Variants in PLCXD3 observed in about 807,000 individuals in gnomAD.
The protein encoded by PLCXD3 is phosphatidylinositol specific phospholipase C X domain containing 3, also known as PI-PLC X domain-containing protein 3.
Under a neutral mutation model 25.5 loss-of-function variants are expected in PLCXD3, and 19 were observed. The ratio of observed to expected loss-of-function variants is 0.75; its 90% confidence interval spans 0.52 to 1.09. The LOEUF is 1.09. Among genes scored for constraint, PLCXD3 ranks in the 50% least tolerant of loss-of-function variants. The probability of loss-of-function intolerance (pLI) is 0.00; values close to 1 mark genes in which losing one functional copy is unlikely to be tolerated. For missense variants in PLCXD3, 411 were observed against 388.1 expected (o/e 1.06, Z -0.50); for synonymous variants, 174 against 137.6 (o/e 1.26, Z -1.85).
intron 1 of PLCXD3, among the ~76,000 whole-genome samples, chr5:41,404,014 G>T (rs899521381): frequency 6.6e-5 from 10 of 152,136 alleles, no homozygotes; most frequent in Non-Finnish European, 1.5e-4. Context: ...GAAAAGTGGT[G>T]CATAGAGTCA....
chr5:41,367,485 G>A (rs1374505592), intron 2 of PLCXD3, among the ~76,000 whole-genome samples: 1 of 151,922 alleles, frequency 6.6e-6, no homozygotes, highest in Non-Finnish European at 1.5e-5. Context: ...GCTTTTTAAT[G>A]GGGTTGTTTT....
intron 1 of PLCXD3, among the ~76,000 whole-genome samples, chr5:41,425,249 C>T (rs529593962): frequency 6.6e-6 from 1 of 151,624 alleles, no homozygotes; most frequent in African/African-American, 2.4e-5. Context: ...TTTGTGTTTT[C>T]ATGACTCCAG....
chr5:41,452,782 TTTAAAA>T (rs1747664717), intron 1 of PLCXD3, among the ~76,000 whole-genome samples: 1 of 152,040 alleles, frequency 6.6e-6, no homozygotes, highest in Admixed American at 6.6e-5. Flanking sequence ...AGCATTTCCA[TTTAAAA>T]GAACACACTT....
In PLCXD3 at chr5:41,400,438, T is replaced by C. The variant is rs145299162; in HGVS notation, c.104-17904A>G. 3.7e-4 allele frequency among the ~76,000 whole-genome samples: 56 copies of C among 152,226 alleles called. No homozygotes were observed. The East Asian group carries it at 7.1e-3, about 19-fold the overall frequency. Reference sequence around the variant, plus strand: ...ATACCTAAGATTTGGAAGCAACCTATGTGTCCATCAACAGATGAATGGATA... The same window carrying C: ...ATACCTAAGATTTGGAAGCAACCTACGTGTCCATCAACAGATGAATGGATA... On this transcript the variant is annotated intron_variant, in intron 1 of 2. Transcript: ENST00000377801.
chr5:41,382,102 A>G lies in PLCXD3; in HGVS notation c.536T>C (p.Val179Ala), dbSNP rs372393366. Residue 179 changes from valine (V) to alanine (A), a missense_variant, in exon 2 of 3, where the codon GTT becomes GCT. By Grantham distance (64) the Val-to-Ala change is moderately conservative (BLOSUM62 0). Coordinates refer to ENST00000377801, the MANE Select transcript of PLCXD3 (RefSeq NM_001005473.3). ...CTTCTCCCACAGGTACTTTAAACTA[A>G]CTTCCTGGGCAAAAATCGCTGGGCA... ...KMCPAIFAQE[V>A]SLKYLWEKDY... The G allele has an allele frequency of 6.2e-7, 1 of 1,613,646 alleles. No individual in the cohort carries two copies. Among genetic ancestry groups the G allele is most frequent in the Non-Finnish European group, 8.5e-7 (1 of 1,179,728 alleles).
At position 41,358,294 on chromosome 5, in the gene PLCXD3, C is replaced by T. The variant is rs115561837; in HGVS notation, c.812+23532G>A. Among the ~76,000 whole-genome samples the T allele has an allele frequency of 6.2e-3, 937 of 152,192 alleles. 10 individuals carry two copies. The highest frequency in any genetic ancestry group is 0.021 in the African/African-American group (885 of 41,514). ...TGTCCAGAGTGAATGCTTTGGGCTA[C>T]TTATTTTTTTTATTTCTTTTATATT... On this transcript the variant is annotated intron_variant, in intron 2 of 2. Coordinates refer to ENST00000377801, the MANE Select transcript of PLCXD3 (RefSeq NM_001005473.3).
intron 1 of PLCXD3, among the ~76,000 whole-genome samples, chr5:41,507,649 G>T (rs1749076093): frequency 1.3e-5 from 2 of 152,126 alleles, no homozygotes; most frequent in Non-Finnish European, 2.9e-5. Context: ...GCCCCAGTTG[G>T]GTAGCCTTAT....
intron 1 of PLCXD3, among the ~76,000 whole-genome samples, chr5:41,431,830 T>G (rs1481718237): frequency 6.6e-6 from 1 of 152,130 alleles, no homozygotes; most frequent in Non-Finnish European, 1.5e-5. Flanking sequence ...TCACACTTTA[T>G]TTTTAGAAAT....
Position 41,381,957 on chromosome 5 carries a change from C to T in PLCXD3, c.681G>A (p.Gln227=). 6.2e-7 allele frequency: 1 copy of T among 1,613,490 alleles called. No individual in the cohort carries two copies. Among genetic ancestry groups the T allele is most frequent in the Admixed American group, 1.7e-5 (1 of 59,904 alleles). ...TCTCAGTGATGGATGCTTGAAGAAA[C>T]TGGATCAGTTTCTCGGGGTCTGTGG... ...ANTTDPEKLI[Q]FLQASITERR... The change falls in exon 2 of 3, where the codon CAG becomes CAA. Residue 227 remains glutamine (Q), a synonymous_variant. Coordinates refer to ENST00000377801, the MANE Select transcript of PLCXD3 (RefSeq NM_001005473.3).
intron 2 of PLCXD3, among the ~76,000 whole-genome samples, chr5:41,350,707 T>C (rs1015981146): frequency 2.6e-5 from 4 of 152,074 alleles, no homozygotes; most frequent in Non-Finnish European, 4.4e-5. Flanking sequence ...ACCTAGAAAA[T>C]AGAGTATGGC....
rs115956263 is a variant in PLCXD3, at chr5:41,404,168, C to T, written c.104-21634G>A. ...TTTTGGAAAAATAGGCTCAAATTTA[C>T]AGTCAGTCAGTAACTCACTGTTTAA... is the stretch of plus-strand genomic sequence containing the variant. On this transcript the variant is annotated intron_variant, in intron 1 of 2. Coordinates refer to ENST00000377801, the MANE Select transcript of PLCXD3 (RefSeq NM_001005473.3). Among the ~76,000 whole-genome samples the T allele has an allele frequency of 3.9e-3, 597 of 152,162 alleles. 5 individuals are homozygous for T. Among genetic ancestry groups the T allele is most frequent in the African/African-American group, 0.014 (577 of 41,496 alleles).
intron 1 of PLCXD3, among the ~76,000 whole-genome samples, chr5:41,468,867 A>G (rs2150519323): frequency 6.6e-6 from 1 of 152,178 alleles, no homozygotes; most frequent in South Asian, 2.1e-4. Flanking sequence ...TATGACTTTT[A>G]TTTCTTTCTT....
chr5:41,364,618 G>A (rs1436861267), intron 2 of PLCXD3, among the ~76,000 whole-genome samples: 1 of 152,100 alleles, frequency 6.6e-6, no homozygotes, highest in Non-Finnish European at 1.5e-5. Context: ...AGAGACAGCT[G>A]GGGCAAGAAC....
chr5:41,490,508 T>C (rs935251495), intron 1 of PLCXD3, among the ~76,000 whole-genome samples: 13 of 152,340 alleles, frequency 8.5e-5, no homozygotes, highest in African/African-American at 2.4e-4. Context: ...TCAGAAGGAA[T>C]GGTACCAGTT....
intron 1 of PLCXD3, among the ~76,000 whole-genome samples, chr5:41,501,226 A>G (rs1554053888): frequency 6.6e-6 from 1 of 152,044 alleles, no homozygotes; most frequent in Non-Finnish European, 1.5e-5. Flanking sequence ...AAGAAATGAA[A>G]TTGAGATCTT....
chr5:41,470,156 C>T (rs1321453565), intron 1 of PLCXD3, among the ~76,000 whole-genome samples: 9 of 152,126 alleles, frequency 5.9e-5, no homozygotes, highest in Non-Finnish European at 2.9e-5. Flanking sequence ...ATCTCTATCT[C>T]CTTCCCAAAC....
chr5:41,440,385 T>A (rs318064), intron 1 of PLCXD3, among the ~76,000 whole-genome samples: 132,889 of 151,238 alleles, frequency 0.88, 58,748 homozygotes, highest in Middle Eastern at 0.94. Flanking sequence ...GGTGCCTGCC[T>A]CCATGCCTGG....
chr5:41,510,281 C>T, intron 1 of PLCXD3, 143 bp downstream of exon 1: 1 of 712,168 alleles, frequency 1.4e-6, no homozygotes, highest in East Asian at 3.0e-5. Context: ...CCGGCACGCG[C>T]TCGCCTGGCC....
chr5:41,395,864 T>C (rs1226888419), intron 1 of PLCXD3, among the ~76,000 whole-genome samples: 2 of 151,982 alleles, frequency 1.3e-5, no homozygotes, highest in Non-Finnish European at 2.9e-5. Context: ...ACTGCTGAAT[T>C]CTACCAAATA....
Sources: allele counts gnomAD v4.1 joint callset (sites outside exome capture counted in the v4.1 genomes callset), GRCh38; gene constraint gnomAD v4.1.1; transcripts MANE v1.5; gene names NCBI Gene and HGNC (gene_info 2026-07-23, HGNC 2026-07-21).